Variants in ZNF521 observed in about 807,000 individuals in gnomAD.
ZNF521 encodes LYST-interacting protein 3.
ZNF521 carries 14 observed loss-of-function variants against 105.5 expected under a neutral mutation model. The observed-to-expected ratio is 0.13, with a 90% CI of 0.09 to 0.21. The LOEUF (loss-of-function observed/expected upper bound fraction) is 0.21, where lower values mean the gene tolerates loss of function less well. Among genes scored for constraint, ZNF521 ranks in the 10% least tolerant of loss-of-function variants. The pLI is 1.00. For missense variants in ZNF521, 1,233 were observed against 1,629.7 expected (o/e 0.76, Z 4.19); for synonymous variants, 635 against 606.0 (o/e 1.05, Z -0.70).
chr18:25,332,138 GAA>G (rs1913609720), intron 2 of ZNF521, among the ~76,000 whole-genome samples: 1 of 151,280 alleles, frequency 6.6e-6, no homozygotes, highest in Admixed American at 6.6e-5. Context: ...CCATTAAAAA[GAA>G]AAATAATTTG....
intron 2 of ZNF521, 84 bp downstream of exon 2, chr18:25,350,823 C>A: frequency 6.8e-7 from 1 of 1,477,872 alleles, no homozygotes; most frequent in African/African-American, 1.4e-5. Flanking sequence ...GCGCACACGC[C>A]TCGCAGCCAC....
At chr18:25,296,459 CAA>C (rs982665571) in intron 3 of ZNF521, among the ~76,000 whole-genome samples, 6 of 152,140 alleles carry the variant, frequency 3.9e-5, no homozygotes, top group African/African-American at 1.2e-4. Flanking sequence ...ATTGTTTCTT[CAA>C]AGATACTCAG....
Position 25,227,202 on chromosome 18 carries a change from T to C in ZNF521, c.716A>G (p.Asp239Gly). ...DGSQSGSRMEDWKMKDTQKCS... is the reference protein window; with the variant it reads ...DGSQSGSRMEGWKMKDTQKCS... ...CTTCTGAGTGTCCTTCATCTTCCAG[T>C]CCTCCATCCTGGAACCGGACTGAGA... Residue 239 changes from aspartate to glycine, a missense_variant, in exon 4 of 8, where the codon GAC becomes GGC. Asp to Gly is a moderately conservative substitution (Grantham distance 94, BLOSUM62 -1). Transcript: ENST00000361524. The surrounding 1 kb of genome is among the most constrained non-coding windows in gnomAD (Gnocchi z 5.7). The C allele has an allele frequency of 1.9e-6, 3 of 1,614,110 alleles. No individual in the cohort carries two copies. The highest frequency in any genetic ancestry group is 2.5e-6 in the Non-Finnish European group (3 of 1,180,006).
chr18:25,319,075 A>G (rs2145136672), intron 3 of ZNF521, among the ~76,000 whole-genome samples: 1 of 152,298 alleles, frequency 6.6e-6, no homozygotes. Context: ...ATAATGATGG[A>G]GGCATATTAA....
chr18:25,350,337 G>A (rs1232359671), intron 2 of ZNF521, among the ~76,000 whole-genome samples: 1 of 152,008 alleles, frequency 6.6e-6, no homozygotes, highest in Non-Finnish European at 1.5e-5. Flanking sequence ...GCGGCCGGCG[G>A]CCGGGGTCTG....
At chr18:25,166,208 A>G (rs1312075823) in intron 5 of ZNF521, among the ~76,000 whole-genome samples, 1 of 152,214 alleles carries the variant, frequency 6.6e-6, no homozygotes, top group Admixed American at 6.5e-5. Context: ...TTTTAATGAA[A>G]TAAAAGACAC....
intron 7 of ZNF521, among the ~76,000 whole-genome samples, chr18:25,080,217 A>G (rs540607373): frequency 1.8e-4 from 28 of 152,354 alleles, no homozygotes; most frequent in African/African-American, 5.8e-4. Context: ...GAAGTTATCA[A>G]TGAAGGAGAC....
At chr18:25,230,482 C>A (rs1906461567) in intron 3 of ZNF521, among the ~76,000 whole-genome samples, 1 of 152,140 alleles carries the variant, frequency 6.6e-6, no homozygotes, top group African/African-American at 2.4e-5. Context: ...CTACCTAAGA[C>A]TTTGAGAGTT....
chr18:25,168,876 C>A (rs538177928), intron 5 of ZNF521, among the ~76,000 whole-genome samples: 19 of 151,912 alleles, frequency 1.3e-4, no homozygotes, highest in Non-Finnish European at 2.5e-4. Context: ...AGTAGTTTAC[C>A]CATCATCTCA....
chr18:25,298,545 T>C (rs1211946160), intron 3 of ZNF521, among the ~76,000 whole-genome samples: 2 of 152,168 alleles, frequency 1.3e-5, no homozygotes, highest in African/African-American at 4.8e-5. Flanking sequence ...ACTCTATCCC[T>C]AGGACTTTTG....
At chr18:25,317,118 A>G (rs750472457) in intron 3 of ZNF521, among the ~76,000 whole-genome samples, 6 of 151,888 alleles carry the variant, frequency 4.0e-5, no homozygotes, top group Non-Finnish European at 7.4e-5. Flanking sequence ...CAACCTCCCA[A>G]AGTGCTGGGA....
At chr18:25,302,262 T>C (rs889644392) in intron 3 of ZNF521, 6 of 151,978 alleles carry the variant, frequency 3.9e-5, no homozygotes, top group Admixed American at 1.3e-4. Flanking sequence ...GTGGCAGCAC[T>C]CTGAGGCATA....
chr18:25,175,351 A>G (rs570102878), intron 5 of ZNF521, among the ~76,000 whole-genome samples: 6 of 152,350 alleles, frequency 3.9e-5, no homozygotes, highest in African/African-American at 1.4e-4. Context: ...ACAGTATCAC[A>G]GCATGGCAAA....
intron 3 of ZNF521, among the ~76,000 whole-genome samples, chr18:25,277,776 A>G (rs1182149195): frequency 6.6e-6 from 1 of 152,230 alleles, no homozygotes; most frequent in African/African-American, 2.4e-5. Flanking sequence ...ATTAACAGTT[A>G]TCATTGATGG....
intron 2 of ZNF521, among the ~76,000 whole-genome samples, chr18:25,339,783 T>TAA (rs1285531359): frequency 1.3e-5 from 2 of 152,156 alleles, no homozygotes; most frequent in Admixed American, 1.3e-4. Context: ...CTTTGACATA[T>TAA]GGGGTATAAG....
At chr18:25,099,273 A>G (rs934368113) in intron 5 of ZNF521, among the ~76,000 whole-genome samples, 4 of 152,192 alleles carry the variant, frequency 2.6e-5, no homozygotes, top group Non-Finnish European at 4.4e-5. Context: ...GTAAAACAAT[A>G]TCTATTGTTT....
At chr18:25,264,635 A>AAACCAAATTTTATGGAG (rs1162620220) in intron 3 of ZNF521, among the ~76,000 whole-genome samples, 2 of 152,172 alleles carry the variant, frequency 1.3e-5, no homozygotes, top group Non-Finnish European at 2.9e-5. Flanking sequence ...TCCTCTGTCA[A>AAACCAAATTTTATGGAG]TTTTATTCAA....
chr18:25,214,471 A>G (rs1476029873), intron 4 of ZNF521, among the ~76,000 whole-genome samples: 1 of 151,878 alleles, frequency 6.6e-6, no homozygotes, highest in East Asian at 1.9e-4. Flanking sequence ...TTTTCTATTT[A>G]TCTTAAGTTG....
chr18:25,308,566 G>A (rs932102956), intron 3 of ZNF521, among the ~76,000 whole-genome samples: 4 of 150,740 alleles, frequency 2.7e-5, no homozygotes, highest in African/African-American at 7.3e-5. Context: ...CCCCTTTCTC[G>A]GCCTGGCTAA....
Sources: gnomAD v4.1 joint callset for allele counts (sites outside exome capture counted in the v4.1 genomes callset) on GRCh38, gnomAD v4.1.1 for gene constraint, Gnocchi (gnomAD v3.1) non-coding constraint, MANE v1.5 for transcripts, NCBI Gene and HGNC (gene_info 2026-07-23, HGNC 2026-07-21) for gene names.